SYN2: variants seen among roughly 807,000 people sequenced by gnomAD.
The protein encoded by SYN2 is synapsin II.
SYN2 carries 19 observed loss-of-function variants against 50.9 expected under a neutral mutation model. The ratio of observed to expected loss-of-function variants is 0.37; its 90% confidence interval spans 0.26 to 0.55. The LOEUF is 0.55. Ranked by LOEUF, SYN2 falls within the 20% of genes least tolerant of loss-of-function variation. The probability of loss-of-function intolerance (pLI) is 0.81; values close to 1 mark genes in which losing one functional copy is unlikely to be tolerated. For synonymous variants in SYN2, 255 were observed against 224.9 expected, an observed-to-expected ratio of 1.13 and a Z score of -1.20; for missense variants, 587 against 576.4, an observed-to-expected ratio of 1.02 and a Z score of -0.19.
intron 1 of SYN2, among the ~76,000 whole-genome samples, chr3:12,095,361 C>G (rs1417438212): frequency 6.8e-6 from 1 of 146,940 alleles, no homozygotes; most frequent in Non-Finnish European, 1.5e-5. Context: ...TCCTGGCTAA[C>G]ACAGTGAAAC....
At chr3:12,143,612 C>T (rs577931633) in intron 3 of SYN2, among the ~76,000 whole-genome samples, 1 of 152,218 alleles carries the variant, frequency 6.6e-6, no homozygotes, top group Non-Finnish European at 1.5e-5. Flanking sequence ...CTGCAAAAGA[C>T]ATGATTTTAT....
intron 1 of SYN2, among the ~76,000 whole-genome samples, chr3:12,016,042 C>A (rs1028378895): frequency 2.0e-5 from 3 of 152,208 alleles, no homozygotes; most frequent in Non-Finnish European, 4.4e-5. Context: ...TGGACTGAAT[C>A]TTTGAAGGCC....
intron 10 of SYN2, among the ~76,000 whole-genome samples, chr3:12,174,073 A>G (rs1378607597): frequency 1.3e-5 from 2 of 151,150 alleles, no homozygotes; most frequent in Non-Finnish European, 2.9e-5. Flanking sequence ...ATTCTACATC[A>G]TTGGCTTCCC....
At chr3:12,015,357 T>G (rs952943316) in intron 1 of SYN2, among the ~76,000 whole-genome samples, 3 of 152,212 alleles carry the variant, frequency 2.0e-5, no homozygotes, top group Non-Finnish European at 4.4e-5. Context: ...TGAGATCCCC[T>G]TGAAGGCAGT....
chr3:12,022,723 T>G (rs926895121), intron 1 of SYN2, among the ~76,000 whole-genome samples: 1 of 151,602 alleles, frequency 6.6e-6, no homozygotes, highest in Non-Finnish European at 1.5e-5. Context: ...TTTAAATTTT[T>G]TTTTTGTAGA....
At chr3:12,065,713 G>A (rs1695201853) in intron 1 of SYN2, among the ~76,000 whole-genome samples, 2 of 152,132 alleles carry the variant, frequency 1.3e-5, no homozygotes, top group South Asian at 4.1e-4. Context: ...GTGGGAAGGA[G>A]GGTGGGGGCA....
In SYN2 at chr3:12,184,548, G is replaced by A. The variant is rs980520150; in HGVS notation, c.1369+1176G>A. 3.4e-5 allele frequency: 34 copies of A among 985,796 alleles called. 2 individuals carry two copies. The South Asian group carries it at 1.3e-3, about 37-fold the overall frequency. 61.1% of individuals were successfully genotyped at this position (985,796 alleles called of 1,614,324 possible). A position where few individuals can be genotyped will look rare whatever the true frequency, so the allele number is the denominator to read the frequency against. On this transcript the variant is annotated intron_variant, in intron 11 of 12. Coordinates refer to ENST00000621198, the MANE Select transcript of SYN2 (RefSeq NM_133625.6). Reference sequence around the variant, plus strand: ...GGTACACTGCCTACAGAACCTTGAGGTTGACTCCTGCTTCAGTTCTCAGCT... The same window carrying A: ...GGTACACTGCCTACAGAACCTTGAGATTGACTCCTGCTTCAGTTCTCAGCT...
At chr3:12,145,960 C>G (rs1356661393) in intron 4 of SYN2, 125 bp downstream of exon 4, 63 of 1,350,666 alleles carry the variant, frequency 4.7e-5, no homozygotes, top group Non-Finnish European at 4.1e-5. Flanking sequence ...TCTTCCAGGC[C>G]CCTAGGAGGG....
chr3:12,050,696 T>C (rs1423073699), intron 1 of SYN2, among the ~76,000 whole-genome samples: 1 of 142,822 alleles, frequency 7.0e-6, no homozygotes, highest in African/African-American at 2.5e-5. Flanking sequence ...AATAATCTCA[T>C]CTTTCTTCTC....
At chr3:12,078,269 G>C (rs1332744843) in intron 1 of SYN2, among the ~76,000 whole-genome samples, 1 of 152,182 alleles carries the variant, frequency 6.6e-6, no homozygotes, top group Non-Finnish European at 1.5e-5. Context: ...TAGGTTGCCT[G>C]TTCACAGTGA....
intron 12 of SYN2, among the ~76,000 whole-genome samples, chr3:12,188,634 G>A (rs141702058): frequency 6.6e-5 from 10 of 151,814 alleles, no homozygotes; most frequent in Admixed American, 2.0e-4. Flanking sequence ...TCTCAAAGCC[G>A]AGCTACTCCT....
chr3:12,119,016 A>G (rs1001393732), intron 1 of SYN2, among the ~76,000 whole-genome samples: 2 of 151,834 alleles, frequency 1.3e-5, no homozygotes, highest in African/African-American at 4.8e-5. Flanking sequence ...CTCACATCTC[A>G]TTTGCACTTG....
At chr3:12,065,149 A>C (rs761886043) in intron 1 of SYN2, among the ~76,000 whole-genome samples, 8 of 152,212 alleles carry the variant, frequency 5.3e-5, no homozygotes, top group Non-Finnish European at 1.2e-4. Context: ...AATTTCAATA[A>C]GGTACCATCT....
At chr3:12,148,707 T>G (rs566114406) in intron 4 of SYN2, 4 of 152,290 alleles carry the variant, frequency 2.6e-5, no homozygotes, top group Non-Finnish European at 4.4e-5. Flanking sequence ...TCTTTCTGGG[T>G]TTTTGGAGAT....
chr3:12,161,813 G>C, intron 6 of SYN2, 199 bp from the exon 7 acceptor site: 2 of 973,216 alleles, frequency 2.1e-6, no homozygotes, highest in East Asian at 2.6e-5. Flanking sequence ...GGTCCTCTGG[G>C]TCCTTTGCAG....
At chr3:12,158,928 G>A (rs1398494673) in intron 5 of SYN2, 37 of 1,422,330 alleles carry the variant, frequency 2.6e-5, no homozygotes, top group Middle Eastern at 2.6e-4. Context: ...TGTGCCCCTC[G>A]CCCCAGGCTT....
chr3:12,037,965 A>G (rs1004494516), intron 1 of SYN2, among the ~76,000 whole-genome samples: 1 of 152,168 alleles, frequency 6.6e-6, no homozygotes, highest in Admixed American at 6.5e-5. Flanking sequence ...GTGTATATCT[A>G]AAGAAACTGT....
intron 1 of SYN2, among the ~76,000 whole-genome samples, chr3:12,063,421 A>G (rs1221780482): frequency 6.6e-6 from 1 of 152,028 alleles, no homozygotes; most frequent in Non-Finnish European, 1.5e-5. Context: ...TTGATAATGT[A>G]TCCCATGAGT....
At chr3:12,168,321 A>C (rs1228451043) in intron 8 of SYN2, 55 bp from the exon 9 acceptor site, 2 of 1,477,570 alleles carry the variant, frequency 1.4e-6, no homozygotes, top group Non-Finnish European at 9.4e-7. Context: ...CTGGCAAGCA[A>C]GCTTTGTGGT....
Sources: gnomAD v4.1 joint callset for allele counts (sites outside exome capture counted in the v4.1 genomes callset) on GRCh38, gnomAD v4.1.1 for gene constraint, MANE v1.5 for transcripts, NCBI Gene and HGNC (gene_info 2026-07-23, HGNC 2026-07-21) for gene names.